The following KCNIP4 variants were observed in gnomAD, a reference collection of about 807,000 sequenced individuals.
KCNIP4 encodes potassium voltage-gated channel interacting protein 4.
Under a neutral mutation model 34.0 loss-of-function variants are expected in KCNIP4, and 12 were observed. The ratio of observed to expected loss-of-function variants is 0.35; its 90% confidence interval spans 0.23 to 0.57. KCNIP4 has a LOEUF of 0.57. Among genes scored for constraint, KCNIP4 ranks in the 20% least tolerant of loss-of-function variants. KCNIP4 has a pLI of 0.83. For missense variants in KCNIP4, 238 were observed against 311.7 expected (o/e 0.76, Z 1.78); for synonymous variants, 124 against 102.2 (o/e 1.21, Z -1.29).
intron 1 of KCNIP4, among the ~76,000 whole-genome samples, chr4:21,382,315 T>C (rs1311944399): frequency 3.9e-5 from 6 of 152,106 alleles, no homozygotes; most frequent in Non-Finnish European, 7.4e-5. Flanking sequence ...CAATGGAAGA[T>C]ATAGATGGGC....
At chr4:21,716,930 A>G (rs1003373723) in intron 1 of KCNIP4, among the ~76,000 whole-genome samples, 5 of 152,174 alleles carry the variant, frequency 3.3e-5, no homozygotes, top group African/African-American at 4.8e-5. Context: ...GACGGAAAGA[A>G]TCAAGTTCTC....
intron 1 of KCNIP4, among the ~76,000 whole-genome samples, chr4:21,156,440 G>T: frequency 6.6e-6 from 1 of 152,062 alleles, no homozygotes; most frequent in East Asian, 1.9e-4. Flanking sequence ...CAATTATTTG[G>T]AGACACCCAG....
intron 1 of KCNIP4, among the ~76,000 whole-genome samples, chr4:21,733,651 T>C (rs1180382051): frequency 1.3e-5 from 2 of 152,174 alleles, no homozygotes; most frequent in Non-Finnish European, 2.9e-5. Context: ...TATGTTCATG[T>C]CCTTAAGTAC....
intron 2 of KCNIP4, among the ~76,000 whole-genome samples, chr4:20,875,114 C>A (rs866016602): frequency 6.6e-5 from 10 of 151,628 alleles, no homozygotes; most frequent in Admixed American, 2.6e-4. Flanking sequence ...AAAAAAAAAA[C>A]TCATTCAAGG....
At chr4:21,392,641 T>A (rs1003166213) in intron 1 of KCNIP4, among the ~76,000 whole-genome samples, 4 of 152,242 alleles carry the variant, frequency 2.6e-5, no homozygotes, top group Non-Finnish European at 5.9e-5. Flanking sequence ...GTTTGATCTA[T>A]GAATTTTTAG....
intron 1 of KCNIP4, among the ~76,000 whole-genome samples, chr4:21,619,509 T>C (rs1184253991): frequency 2.6e-5 from 4 of 152,204 alleles, no homozygotes; most frequent in African/African-American, 9.7e-5. Context: ...AAATTCTAAT[T>C]GCAGCTTTGC....
Position 21,519,725 on chromosome 4 carries a change from C to CGTGTGTGTAT in KCNIP4, c.61+428845_61+428846insATACACACAC, listed in dbSNP as rs1560480944. Among the ~76,000 whole-genome samples the CGTGTGTGTAT allele has an allele frequency of 1.9e-4, 21 of 112,054 alleles. No individual in the cohort carries two copies. The East Asian group carries it at 3.6e-3, about 19-fold the overall frequency. 73.5% of individuals were successfully genotyped at this position (112,054 alleles called of 152,430 possible). ...GTGTATGTATGTGTATATATACACA[C>CGTGTGTGTAT]GTGTGTATATGTATGATACACACGT... On this transcript the variant is annotated intron_variant, in intron 1 of 8. Transcript: ENST00000382152.
chr4:21,127,180 C>G (rs1750692029), intron 1 of KCNIP4, among the ~76,000 whole-genome samples: 1 of 152,190 alleles, frequency 6.6e-6, no homozygotes. Context: ...TCTTGGCTGT[C>G]CTAAGAGCCC....
At chr4:21,442,005 C>G (rs985483129) in intron 1 of KCNIP4, among the ~76,000 whole-genome samples, 8 of 152,114 alleles carry the variant, frequency 5.3e-5, no homozygotes, top group Admixed American at 1.3e-4. Context: ...AAGACTGGTC[C>G]TACTTTCCAC....
chr4:21,067,781 G>A (rs1168908427), intron 1 of KCNIP4, among the ~76,000 whole-genome samples: 2 of 152,094 alleles, frequency 1.3e-5, no homozygotes, highest in African/African-American at 4.8e-5. Flanking sequence ...GACCCTGTTT[G>A]TTTGGAGGGA....
chr4:20,999,307 G>T lies in KCNIP4; in HGVS notation c.62-116598C>A, dbSNP rs12640610. 5.9e-5 allele frequency among the ~76,000 whole-genome samples: 9 copies of T among 151,634 alleles called. No homozygotes were observed. The East Asian group carries it at 1.4e-3, about 23-fold the overall frequency. ...GGAATAACACAAAGTTGATGAATTAGACAGGAATAAATCATATTTCAAGAT... is the reference window on the plus strand; with the variant it reads ...GGAATAACACAAAGTTGATGAATTATACAGGAATAAATCATATTTCAAGAT... On this transcript the variant is annotated intron_variant, in intron 1 of 8. Transcript: ENST00000382152.
intron 1 of KCNIP4, among the ~76,000 whole-genome samples, chr4:20,961,323 C>T (rs1733827924): frequency 6.6e-6 from 1 of 152,112 alleles, no homozygotes; most frequent in African/African-American, 2.4e-5. Context: ...AGCTATCTAA[C>T]TTTATCCAGC....
intron 1 of KCNIP4, among the ~76,000 whole-genome samples, chr4:21,167,769 CTCATTTT>C: frequency 6.6e-6 from 1 of 152,310 alleles, no homozygotes; most frequent in Non-Finnish European, 1.5e-5. Flanking sequence ...AGTCCTCCTG[CTCATTTT>C]TCATTTCTAA....
intron 1 of KCNIP4, among the ~76,000 whole-genome samples, chr4:21,910,859 G>T (rs944544547): frequency 5.3e-5 from 8 of 152,116 alleles, no homozygotes; most frequent in Non-Finnish European, 1.0e-4. Flanking sequence ...CATTTGTTAA[G>T]TGATTAGTAT....
intron 1 of KCNIP4, among the ~76,000 whole-genome samples, chr4:21,323,958 A>C (rs1440368301): frequency 6.6e-6 from 1 of 151,922 alleles, no homozygotes; most frequent in Non-Finnish European, 1.5e-5. Context: ...GGGTGAGAAA[A>C]TATCTCATTG....
At chr4:21,663,165 C>T (rs532890447) in intron 1 of KCNIP4, among the ~76,000 whole-genome samples, 15 of 152,238 alleles carry the variant, frequency 9.9e-5, no homozygotes, top group Non-Finnish European at 1.8e-4. Flanking sequence ...ATAATGGTTT[C>T]TAACTTACTA....
intron 1 of KCNIP4, among the ~76,000 whole-genome samples, chr4:21,026,215 T>C (rs768297248): frequency 4.6e-5 from 7 of 152,194 alleles, no homozygotes; most frequent in Non-Finnish European, 8.8e-5. Flanking sequence ...TTGTTTCCTC[T>C]GCCTCATGCC....
intron 1 of KCNIP4, among the ~76,000 whole-genome samples, chr4:21,392,791 G>A (rs1478407726): frequency 1.3e-5 from 2 of 152,134 alleles, no homozygotes; most frequent in African/African-American, 4.8e-5. Context: ...GAACAGAGAT[G>A]GATGGCTTTA....
chr4:21,478,344 C>T (rs1731159632), intron 1 of KCNIP4, among the ~76,000 whole-genome samples: 1 of 151,950 alleles, frequency 6.6e-6, no homozygotes, highest in Admixed American at 6.6e-5. Flanking sequence ...CTTTTGAAAT[C>T]TAAAAATTTT....
Sources: allele counts gnomAD v4.1 joint callset (sites outside exome capture counted in the v4.1 genomes callset), GRCh38; gene constraint gnomAD v4.1.1; transcripts MANE v1.5; gene names NCBI Gene and HGNC (gene_info 2026-07-23, HGNC 2026-07-21).